The following ZZZ3 variants were observed in gnomAD, a reference collection of about 807,000 sequenced individuals.
The protein encoded by ZZZ3 is zinc finger ZZ-type containing 3.
A neutral mutation model predicts 95.2 loss-of-function variants in ZZZ3; 22 were observed. That is an observed-to-expected ratio of 0.23 (90% CI 0.17 to 0.33). The LOEUF (loss-of-function observed/expected upper bound fraction) is 0.33, where lower values mean the gene tolerates loss of function less well. ZZZ3 is among the 10% of genes least tolerant of loss of function. The pLI, the probability that ZZZ3 is intolerant of heterozygous loss-of-function variation, is 1.00. For missense variants in ZZZ3, 885 were observed against 1,066.5 expected (o/e 0.83, Z 2.37); for synonymous variants, 335 against 358.9 (o/e 0.93, Z 0.75).
At chr1:77,565,901 A>G (rs1660773417) in intron 14 of ZZZ3, 117 bp from the exon 15 acceptor site, 1 of 1,240,466 alleles carries the variant, frequency 8.1e-7, no homozygotes, top group Non-Finnish European at 1.1e-6. Context: ...CAAAATCTCC[A>G]ACGGAAAGTT....
chr1:77,573,309 ATGAGGTT>A, intron 12 of ZZZ3, among the ~76,000 whole-genome samples: 1 of 150,560 alleles, frequency 6.6e-6, no homozygotes, highest in South Asian at 2.1e-4. Flanking sequence ...TTAAGTAGAG[ATGAGGTT>A]TTACCATGTT....
intron 6 of ZZZ3, among the ~76,000 whole-genome samples, chr1:77,583,082 G>C (rs933176474): frequency 6.6e-6 from 1 of 151,980 alleles, no homozygotes; most frequent in Non-Finnish European, 1.5e-5. Flanking sequence ...ACTCCAGCCT[G>C]GGTGACCTAG....
chr1:77,639,390 A>G (rs2100891134), intron 4 of ZZZ3, 59 bp downstream of exon 4: 8 of 1,410,526 alleles, frequency 5.7e-6, no homozygotes, highest in South Asian at 1.5e-5. Context: ...CTCAAAAAAA[A>G]AAAAGAAGAA....
At chr1:77,664,160 T>C (rs989124799) in intron 1 of ZZZ3, among the ~76,000 whole-genome samples, 2 of 152,176 alleles carry the variant, frequency 1.3e-5, no homozygotes, top group Non-Finnish European at 2.9e-5. Flanking sequence ...CATCATTCTA[T>C]TTAAACAACT....
At chr1:77,654,852 T>C (rs979251367) in intron 1 of ZZZ3, among the ~76,000 whole-genome samples, 1 of 152,204 alleles carries the variant, frequency 6.6e-6, no homozygotes, top group Non-Finnish European at 1.5e-5. Flanking sequence ...AAGTTCTATG[T>C]TGCCCAAGCT....
chr1:77,645,896 G>A (rs1400321588), intron 1 of ZZZ3, among the ~76,000 whole-genome samples: 3 of 149,898 alleles, frequency 2.0e-5, no homozygotes, highest in African/African-American at 7.4e-5. Context: ...GCTTGAACCT[G>A]GGAGGTGGTG....
At chr1:77,671,737 A>G (rs938099942) in intron 1 of ZZZ3, among the ~76,000 whole-genome samples, 1 of 152,206 alleles carries the variant, frequency 6.6e-6, no homozygotes, top group South Asian at 2.1e-4. Flanking sequence ...TATTACTTCT[A>G]TAAGAGTTTT....
rs187920416 is a variant in ZZZ3, at chr1:77,654,670, T to C, written c.-402-13015A>G. 3.9e-5 allele frequency among the ~76,000 whole-genome samples: 6 copies of C among 152,262 alleles called. No individual in the cohort carries two copies. The East Asian group carries it at 1.2e-3, about 29-fold the overall frequency. On this transcript the variant is annotated intron_variant, in intron 1 of 14. Coordinates refer to ENST00000370801, the MANE Select transcript of ZZZ3 (RefSeq NM_015534.6). ...ATAAACATAACTGGCCCTTTTGACA[T>C]CAGGCCTTACATATTGCCTTATGTT...
intron 5 of ZZZ3, among the ~76,000 whole-genome samples, chr1:77,628,740 T>C (rs1444649462): frequency 1.3e-5 from 2 of 152,216 alleles, no homozygotes; most frequent in Non-Finnish European, 2.9e-5. Flanking sequence ...TCCTCCTGGC[T>C]CTAGACAAAG....
Position 77,583,233 on chromosome 1 carries a change from G to A in ZZZ3, c.1645-1107C>T, listed in dbSNP as rs560911489. ...CCTAATTGCATCTTTTTGCCTACCC[G>A]GGAAAGTAAATGAAATGAAATTAAG... On this transcript the variant is annotated intron_variant, in intron 6 of 14. Coordinates refer to ENST00000370801, the MANE Select transcript of ZZZ3 (RefSeq NM_015534.6). 1.3e-4 allele frequency among the ~76,000 whole-genome samples: 20 copies of A among 152,030 alleles called. No homozygotes were observed. In the East Asian group the frequency reaches 2.7e-3, roughly 21 times the overall value.
At chr1:77,605,624 C>G (rs1570482323) in intron 5 of ZZZ3, among the ~76,000 whole-genome samples, 3 of 152,296 alleles carry the variant, frequency 2.0e-5, no homozygotes, top group Middle Eastern at 6.8e-3. Context: ...AGGACTTTGT[C>G]TTGCATCTTG....
intron 5 of ZZZ3, among the ~76,000 whole-genome samples, chr1:77,596,771 T>G (rs1406219190): frequency 6.6e-6 from 1 of 152,016 alleles, no homozygotes; most frequent in East Asian, 1.9e-4. Context: ...AATAATTAAA[T>G]AGTTGACAGG....
intron 5 of ZZZ3, among the ~76,000 whole-genome samples, chr1:77,598,129 C>T (rs528972972): frequency 1.1e-4 from 16 of 152,048 alleles, no homozygotes; most frequent in African/African-American, 3.4e-4. Context: ...TTTTGACTCC[C>T]GAAAACTTAA....
intron 1 of ZZZ3, among the ~76,000 whole-genome samples, chr1:77,655,977 T>A (rs1284839589): frequency 6.6e-6 from 1 of 152,248 alleles, no homozygotes; most frequent in Non-Finnish European, 1.5e-5. Context: ...GTGTACTATG[T>A]ACTTATCATT....
intron 5 of ZZZ3, among the ~76,000 whole-genome samples, chr1:77,622,150 A>AG (rs1457344464): frequency 6.6e-6 from 1 of 150,526 alleles, no homozygotes; most frequent in African/African-American, 2.4e-5. Flanking sequence ...AAAAAAAAAA[A>AG]AAAAAAATTA....
rs773254397 is a variant in ZZZ3 at position 77,632,207 on chromosome 1, C to T, written c.1148G>A (p.Arg383Gln). Residue 383 changes from arginine to glutamine, a missense_variant, in exon 5 of 15, where the codon CGA becomes CAA. By Grantham distance (43) the Arg-to-Gln change is conservative. This residue lies in a region of ZZZ3 where 556 missense variants were observed against 652.9 expected (regional missense o/e 0.85). Coordinates refer to ENST00000370801, the MANE Select transcript of ZZZ3 (RefSeq NM_015534.6). ...ACTACCTCTGGTAGGGGCTGCCCTT[C>T]GTGGTGAGGTTCTCAGAGTATAACG... ...EHRYTLRTSP[R>Q]RAAPTRGSPT... is the part of the protein sequence containing the mutation. 2 of 1,613,974 alleles carry T rather than the reference C, an allele frequency of 1.2e-6. No homozygotes were observed. Among genetic ancestry groups the T allele is most frequent in the South Asian group, 1.1e-5 (1 of 91,080 alleles).
At chr1:77,575,894 A>G (rs1256164792) in intron 12 of ZZZ3, among the ~76,000 whole-genome samples, 174 bp downstream of exon 12, 1 of 152,216 alleles carries the variant, frequency 6.6e-6, no homozygotes, top group Non-Finnish European at 1.5e-5. Flanking sequence ...TCATTATACT[A>G]TTCTATTTTT....
Position 77,654,705 on chromosome 1 carries a change from C to T in ZZZ3, c.-402-13050G>A, listed in dbSNP as rs1047145481. Among the ~76,000 whole-genome samples, 6 of 152,188 alleles carry T rather than the reference C, an allele frequency of 3.9e-5. 1 individual carries two copies. The East Asian group carries it at 7.7e-4, about 20-fold the overall frequency. ...CATATTGCCTTATGTTTGGTACCCA[C>T]GCCTCTCCATAGATAGATGGATATC... On this transcript the variant is annotated intron_variant, in intron 1 of 14. Transcript: ENST00000370801.
chr1:77,683,041 C>G (rs1432066078), upstream of ZZZ3, among the ~76,000 whole-genome samples: 1 of 143,780 alleles, frequency 7.0e-6, no homozygotes, highest in African/African-American at 2.6e-5. Context: ...CCCGCCCCCC[C>G]TTTCGCCCGC....
Sources: allele counts gnomAD v4.1 joint callset (sites outside exome capture counted in the v4.1 genomes callset), GRCh38; gene constraint gnomAD v4.1.1; regional missense constraint gnomAD v4.1.1; transcripts MANE v1.5; gene names NCBI Gene and HGNC (gene_info 2026-07-23, HGNC 2026-07-21).